Variants in GALNT17 observed in about 807,000 individuals in gnomAD.
The protein encoded by GALNT17 is UDP-GalNAc:polypeptide N-acetylgalactosaminyltransferase-like 3.
A neutral mutation model predicts 63.7 loss-of-function variants in GALNT17; 29 were observed. The ratio of observed to expected loss-of-function variants is 0.46; its 90% CI spans 0.34 to 0.62. The LOEUF (loss-of-function observed/expected upper bound fraction) is 0.62, where lower values mean the gene tolerates loss of function less well. Among genes scored for constraint, GALNT17 ranks in the 20% least tolerant of loss-of-function variants. The pLI is 0.01. For missense variants in GALNT17, 603 were observed against 799.6 expected, an observed-to-expected ratio of 0.75 and a Z score of 2.97; for synonymous variants, 305 against 318.3, an observed-to-expected ratio of 0.96 and a Z score of 0.45.
intron 1 of GALNT17, among the ~76,000 whole-genome samples, chr7:71,216,068 A>ATAATGAAC (rs1789472651): frequency 6.6e-6 from 1 of 151,830 alleles, no homozygotes; most frequent in Non-Finnish European, 1.5e-5. Flanking sequence ...TAATAATAAA[A>ATAATGAAC]AAGCCAAGCG....
chr7:71,319,094 T>TCTTTCTTTC (rs1554352827), intron 1 of GALNT17, among the ~76,000 whole-genome samples: 1 of 49,170 alleles, frequency 2.0e-5, no homozygotes, highest in African/African-American at 5.1e-5. Flanking sequence ...CTATTTTTGT[T>TCTTTCTTTC]TATCTTTCTT....
At chr7:71,368,656 G>A (rs1448456242) in intron 2 of GALNT17, among the ~76,000 whole-genome samples, 3 of 152,080 alleles carry the variant, frequency 2.0e-5, no homozygotes, top group African/African-American at 7.2e-5. Context: ...GGAGCTGTGA[G>A]CTTTTCCAGA....
intron 3 of GALNT17, among the ~76,000 whole-genome samples, chr7:71,413,686 G>A (rs550739661): frequency 7.2e-5 from 11 of 152,118 alleles, no homozygotes; most frequent in African/African-American, 2.7e-4. Context: ...TAACTCGATT[G>A]TAAGCATCTT....
At chr7:71,625,161 T>TA in intron 6 of GALNT17, among the ~76,000 whole-genome samples, 1 of 151,986 alleles carries the variant, frequency 6.6e-6, no homozygotes, top group African/African-American at 2.4e-5. Context: ...TTTATTTATT[T>TA]TGAGACAGAG....
chr7:71,399,226 T>G (rs781518202), intron 3 of GALNT17, among the ~76,000 whole-genome samples: 1 of 152,052 alleles, frequency 6.6e-6, no homozygotes, highest in African/African-American at 2.4e-5. Context: ...AGAATGAGAT[T>G]CCATCCCCCC....
Position 71,256,794 on chromosome 7 carries a change from G to A in GALNT17, c.239-78756G>A, listed in dbSNP as rs146368107. ...GGGCCGCTCTTTTTGCCAACACTGC[G>A]TATCTCAGTAGCTCGGTACTATTGA... On this transcript the variant is annotated intron_variant, in intron 1 of 10. Transcript: ENST00000333538. Among the ~76,000 whole-genome samples, 14 of 152,256 alleles carry A rather than the reference G, an allele frequency of 9.2e-5. No individual in the cohort carries two copies. In the East Asian group the frequency reaches 1.5e-3, roughly 17 times the overall value.
intron 6 of GALNT17, among the ~76,000 whole-genome samples, chr7:71,602,238 C>T (rs1035066367): frequency 1.8e-4 from 27 of 152,200 alleles, no homozygotes; most frequent in Admixed American, 1.6e-3. Context: ...AGAAATGATG[C>T]TATTTTATGC....
At chr7:71,199,522 TCATC>T (rs34691979) in intron 1 of GALNT17, among the ~76,000 whole-genome samples, 32,800 of 142,256 alleles carry the variant, frequency 0.23, 3,814 homozygotes, top group African/African-American at 0.27. Flanking sequence ...CCCCATCCAT[TCATC>T]CATCCATCCA....
chr7:71,281,548 A>G (rs764616632), intron 1 of GALNT17, among the ~76,000 whole-genome samples: 1 of 152,186 alleles, frequency 6.6e-6, no homozygotes, highest in Admixed American at 6.5e-5. Flanking sequence ...AGCAGGATCC[A>G]TGGGCGGCTT....
chr7:71,624,724 G>A (rs1377716387), intron 6 of GALNT17, among the ~76,000 whole-genome samples: 1 of 152,096 alleles, frequency 6.6e-6, no homozygotes, highest in Non-Finnish European at 1.5e-5. Context: ...TCATTCAAAA[G>A]CAATAATAAT....
intron 1 of GALNT17, among the ~76,000 whole-genome samples, chr7:71,238,345 T>C (rs1338880885): frequency 5.9e-5 from 9 of 152,182 alleles, no homozygotes; most frequent in Admixed American, 5.9e-4. Context: ...CATTTGCATC[T>C]AGCTGCATTC....
chr7:71,536,670 G>A (rs1459792999), intron 5 of GALNT17, among the ~76,000 whole-genome samples: 1 of 152,130 alleles, frequency 6.6e-6, no homozygotes, highest in Non-Finnish European at 1.5e-5. Flanking sequence ...CTCCAACTGG[G>A]TCCCTCCCAC....
intron 5 of GALNT17, among the ~76,000 whole-genome samples, chr7:71,510,710 C>T (rs1788342449): frequency 6.6e-6 from 1 of 152,162 alleles, no homozygotes; most frequent in Non-Finnish European, 1.5e-5. Context: ...GCATCCTTCT[C>T]TTTAAATTGT....
At position 71,140,028 on chromosome 7, in the gene GALNT17, A is replaced by C. The variant is rs2116161194; in HGVS notation, c.238+6988A>C. ...CAAACAAACACACACCAAAACCAAAAACAAAAAGAGAGGGATGGCATTTGG... is the reference window on the plus strand; with the variant it reads ...CAAACAAACACACACCAAAACCAAACACAAAAAGAGAGGGATGGCATTTGG... On this transcript the variant is annotated intron_variant, in intron 1 of 10. Coordinates refer to ENST00000333538, the MANE Select transcript of GALNT17 (RefSeq NM_022479.3). Among the ~76,000 whole-genome samples the C allele has an allele frequency of 2.0e-5, 3 of 152,170 alleles. No homozygotes were observed. In the East Asian group the frequency reaches 5.8e-4, roughly 30 times the overall value.
intron 4 of GALNT17, among the ~76,000 whole-genome samples, chr7:71,416,547 G>T (rs2116438336): frequency 6.6e-6 from 1 of 152,208 alleles, no homozygotes; most frequent in Middle Eastern, 3.4e-3. Flanking sequence ...GGGATGCCAA[G>T]GTTGCAGTGA....
At chr7:71,426,793 A>G (rs561641696) in intron 5 of GALNT17, among the ~76,000 whole-genome samples, 1 of 151,878 alleles carries the variant, frequency 6.6e-6, no homozygotes, top group African/African-American at 2.4e-5. Flanking sequence ...GGTGATGCAC[A>G]CCTGTAATCC....
At chr7:71,499,712 C>T (rs937439477) in intron 5 of GALNT17, among the ~76,000 whole-genome samples, 1 of 152,204 alleles carries the variant, frequency 6.6e-6, no homozygotes, top group Non-Finnish European at 1.5e-5. Flanking sequence ...TTACCTGCTC[C>T]TCCGGAGCCA....
At chr7:71,366,964 T>C (rs1349098237) in intron 2 of GALNT17, among the ~76,000 whole-genome samples, 2 of 152,236 alleles carry the variant, frequency 1.3e-5, no homozygotes, top group African/African-American at 4.8e-5. Flanking sequence ...CTTCTGTTGA[T>C]TTCTGAGAGA....
At chr7:71,470,095 G>A (rs1787603096) in intron 5 of GALNT17, among the ~76,000 whole-genome samples, 1 of 152,142 alleles carries the variant, frequency 6.6e-6, no homozygotes, top group African/African-American at 2.4e-5. Flanking sequence ...CATAATCCCA[G>A]CTACTCAGGT....
Sources: gnomAD v4.1 joint callset for allele counts (sites outside exome capture counted in the v4.1 genomes callset) on GRCh38, gnomAD v4.1.1 for gene constraint, MANE v1.5 for transcripts, NCBI Gene and HGNC (gene_info 2026-07-23, HGNC 2026-07-21) for gene names.